Variants in MMP16 observed in about 807,000 individuals in gnomAD.
The protein encoded by MMP16 is matrix metallopeptidase 16.
A neutral mutation model predicts 67.8 loss-of-function variants in MMP16; 12 were observed. The observed-to-expected ratio is 0.18, with a 90% CI of 0.11 to 0.29. The LOEUF (loss-of-function observed/expected upper bound fraction) is 0.29. Ranked by LOEUF, MMP16 falls within the 10% of genes least tolerant of loss-of-function variation. MMP16 has a pLI of 1.00. For missense variants in MMP16, 475 were observed against 765.7 expected (o/e 0.62, Z 4.48); for synonymous variants, 249 against 255.9 (o/e 0.97, Z 0.26).
intron 4 of MMP16, among the ~76,000 whole-genome samples, chr8:88,125,314 G>A (rs755930590): frequency 7.9e-5 from 12 of 151,622 alleles, no homozygotes; most frequent in Non-Finnish European, 1.5e-4. Context: ...AATTAAAGAG[G>A]TTTGCTGGGA....
At chr8:88,065,332 T>TAAA (rs1808450915) in intron 7 of MMP16, among the ~76,000 whole-genome samples, 1 of 152,084 alleles carries the variant, frequency 6.6e-6, no homozygotes, top group African/African-American at 2.4e-5. Context: ...CAGGAAAATA[T>TAAA]TGCAGCTTTA....
chr8:88,197,264 T>G lies in MMP16; in HGVS notation c.175A>C (p.Arg59=). The change falls in exon 2 of 10, where the codon AGA becomes CGA. Residue 59 remains arginine (R), a synonymous_variant. Transcript: ENST00000286614. ...TCTGCAGAGCGCAGCACTGACATTC[T>G]GGGGTCAGTCGGTGGAAGGTAGCCG... is the stretch of plus-strand genomic sequence containing the variant. ...KYGYLPPTDP[R]MSVLRSAETM... is the part of the protein sequence containing the mutation. The G allele has an allele frequency of 6.3e-7, 1 of 1,595,342 alleles. No individual in the cohort carries two copies. Among genetic ancestry groups the G allele is most frequent in the Non-Finnish European group, 8.5e-7 (1 of 1,171,382 alleles).
chr8:88,165,180 A>T (rs937741916), intron 4 of MMP16, among the ~76,000 whole-genome samples: 1 of 24,648 alleles, frequency 4.1e-5, no homozygotes, highest in Non-Finnish European at 6.7e-5. Flanking sequence ...CCCATCTCTA[A>T]AAAAAAAAAA....
chr8:88,052,164 C>T (rs1294149632), intron 8 of MMP16, among the ~76,000 whole-genome samples: 1 of 152,122 alleles, frequency 6.6e-6, no homozygotes. Flanking sequence ...ACTCAATTAT[C>T]CAACCACCTA....
intron 1 of MMP16, among the ~76,000 whole-genome samples, chr8:88,226,375 C>G (rs899505443): frequency 6.6e-6 from 1 of 151,932 alleles, no homozygotes; most frequent in African/African-American, 2.4e-5. Context: ...CTTTATAACC[C>G]TATGGGGCAG....
intron 1 of MMP16, among the ~76,000 whole-genome samples, chr8:88,315,978 T>C (rs766686191): frequency 1.5e-4 from 23 of 152,176 alleles, no homozygotes; most frequent in Non-Finnish European, 2.9e-4. Flanking sequence ...AGAACAAGTT[T>C]AAGTGGTTTG....
intron 3 of MMP16, among the ~76,000 whole-genome samples, chr8:88,175,598 T>A (rs941377170): frequency 1.3e-5 from 2 of 152,186 alleles, no homozygotes; most frequent in Non-Finnish European, 2.9e-5. Flanking sequence ...GTAAAGATAA[T>A]AATTGGCATA....
chr8:88,057,333 C>G (rs980730839), intron 7 of MMP16, among the ~76,000 whole-genome samples: 1 of 152,070 alleles, frequency 6.6e-6, no homozygotes, highest in Non-Finnish European at 1.5e-5. Flanking sequence ...CAAATAACTA[C>G]AGGGGCCAGG....
At chr8:88,143,628 A>T (rs1808247307) in intron 4 of MMP16, among the ~76,000 whole-genome samples, 1 of 152,072 alleles carries the variant, frequency 6.6e-6, no homozygotes, top group Non-Finnish European at 1.5e-5. Flanking sequence ...GTGTAAAGTT[A>T]TAAGGAGAAA....
Position 88,116,639 on chromosome 8 carries a change from TG to T in MMP16, c.950del (p.Pro317GlnfsTer34). 1 of 1,613,842 alleles carries T rather than the reference TG, an allele frequency of 6.2e-7. No individual in the cohort carries two copies. On this transcript the variant is annotated frameshift_variant, in exon 6 of 10. Transcript: ENST00000286614. LOFTEE classifies it high-confidence loss of function. Reference sequence around the variant, plus strand: ...GAGGTTTTGGCCTGTCATTTTTCCTTGGGTCAGCCGGAGGAATAGAGCGGTG... The same window carrying T: ...GAGGTTTTGGCCTGTCATTTTTCCTTGGTCAGCCGGAGGAATAGAGCGGTG... Reference protein sequence around the residue: ...PPHRSIPPADPRKNDRPKPPR... With the variant: ...PPHRSIPPADXRKNDRPKPPR...
chr8:88,061,802 C>A (rs1052113605), intron 7 of MMP16, among the ~76,000 whole-genome samples: 2 of 151,694 alleles, frequency 1.3e-5, no homozygotes, highest in Non-Finnish European at 1.5e-5. Flanking sequence ...TACTGTTGGT[C>A]TAGTATTTTC....
chr8:88,186,613 A>G lies in MMP16; in HGVS notation c.282-15T>C. On this transcript the variant is annotated splice_polypyrimidine_tract_variant and intron_variant, in intron 2 of 9. Coordinates refer to ENST00000286614, the MANE Select transcript of MMP16 (RefSeq NM_005941.5). ...TCTTCATCCAGCTGCAAAAAAAAAA[A>G]AAAAAAAAAAAAAGCAGTATTTTCC... 2 of 1,571,160 alleles carry G rather than the reference A, an allele frequency of 1.3e-6. No homozygotes were observed. Among genetic ancestry groups the G allele is most frequent in the Non-Finnish European group, 1.7e-6 (2 of 1,164,358 alleles).
intron 1 of MMP16, among the ~76,000 whole-genome samples, chr8:88,307,585 A>G (rs944022738): frequency 3.3e-5 from 5 of 152,082 alleles, no homozygotes; most frequent in African/African-American, 1.2e-4. Flanking sequence ...GAAAGTAACT[A>G]GTATCTTAAT....
rs192774207 is a variant in MMP16, at chr8:88,251,175, G to A, written c.133-53869C>T. ...GCCACATTTTCTTAATCCAGAGCCC[G>A]CATCGCCAAGTCAATCCTAAGCCAA... On this transcript the variant is annotated intron_variant, in intron 1 of 9. Coordinates refer to ENST00000286614, the MANE Select transcript of MMP16 (RefSeq NM_005941.5). 3.6e-3 allele frequency among the ~76,000 whole-genome samples: 539 copies of A among 151,280 alleles called. 3 individuals carry two copies. The highest frequency in any genetic ancestry group is 0.011 in the African/African-American group (454 of 40,870).
chr8:88,295,428 A>G (rs57749754), intron 1 of MMP16, among the ~76,000 whole-genome samples: 15,439 of 152,190 alleles, frequency 0.1, 942 homozygotes, highest in South Asian at 0.17. Context: ...CACAATCTAA[A>G]AAGTTGAAGA....
chr8:88,204,216 G>GT (rs1809390427), intron 1 of MMP16, among the ~76,000 whole-genome samples: 2 of 152,098 alleles, frequency 1.3e-5, no homozygotes, highest in Admixed American at 1.3e-4. Flanking sequence ...CTTTTGATTG[G>GT]TTTTTAGAAT....
At chr8:88,075,537 A>T (rs556616092) in intron 6 of MMP16, among the ~76,000 whole-genome samples, 7 of 152,156 alleles carry the variant, frequency 4.6e-5, no homozygotes, top group African/African-American at 1.7e-4. Flanking sequence ...AAAAAAACCC[A>T]AAAACAAAAA....
intron 6 of MMP16, among the ~76,000 whole-genome samples, chr8:88,105,151 C>CT (rs11300654): frequency 2.0e-4 from 29 of 143,192 alleles, no homozygotes; most frequent in Admixed American, 9.8e-4. Flanking sequence ...TTTATCTCAT[C>CT]TTTTTTTTTT....
chr8:88,230,535 C>CTTTTCT (rs1563568659), intron 1 of MMP16, among the ~76,000 whole-genome samples: 1 of 142,510 alleles, frequency 7.0e-6, no homozygotes, highest in Non-Finnish European at 1.5e-5. Flanking sequence ...GATCAATTTT[C>CTTTTCT]TTTTTTTTTT....
Sources: allele counts gnomAD v4.1 joint callset (sites outside exome capture counted in the v4.1 genomes callset), GRCh38; gene constraint gnomAD v4.1.1; transcripts MANE v1.5; gene names NCBI Gene and HGNC (gene_info 2026-07-23, HGNC 2026-07-21).